Variants in MYLK3 observed in about 807,000 individuals in gnomAD.
MYLK3 encodes myosin light chain kinase 3.
Under a neutral mutation model 76.3 loss-of-function variants are expected in MYLK3, and 55 were observed. That is an observed-to-expected ratio of 0.72 (90% CI 0.58 to 0.90). The LOEUF is 0.90. MYLK3 is among the 40% of genes least tolerant of loss of function. The pLI, the probability that MYLK3 is intolerant of heterozygous loss-of-function variation, is 0.00. For missense variants in MYLK3, 973 were observed against 1,053.6 expected (o/e 0.92, Z 1.06); for synonymous variants, 416 against 425.4 (o/e 0.98, Z 0.27).
chr16:46,727,391 G>T lies in MYLK3; in HGVS notation c.1773-14C>A. 6.3e-7 allele frequency: 1 copy of T among 1,598,126 alleles called. No homozygotes were observed. The highest frequency in any genetic ancestry group is 8.6e-7 in the Non-Finnish European group (1 of 1,167,902). ...CCCCCGTCCACGCTGCCAGAGCAAA[G>T]GGAGAGGCAGGCACCAGCCTAAGCA... On this transcript the variant is annotated splice_polypyrimidine_tract_variant and intron_variant, in intron 7 of 12. Coordinates refer to ENST00000394809, the MANE Select transcript of MYLK3 (RefSeq NM_182493.3).
At chr16:46,740,458 G>T (rs903077905) in intron 1 of MYLK3, among the ~76,000 whole-genome samples, 2 of 150,346 alleles carry the variant, frequency 1.3e-5, no homozygotes, top group Admixed American at 1.3e-4. Flanking sequence ...TTCAAAATAG[G>T]CTGGACCCCA....
intron 4 of MYLK3, 56 bp downstream of exon 4, chr16:46,732,152 G>T (rs752140525): frequency 1.2e-4 from 167 of 1,425,350 alleles, no homozygotes; most frequent in Non-Finnish European, 1.4e-4. Context: ...AGGAGTAGGG[G>T]CTCCAAACTC....
At chr16:46,712,927 G>T in intron 9 of MYLK3, 151 bp from the exon 10 acceptor site, 3 of 703,436 alleles carry the variant, frequency 4.3e-6, no homozygotes, top group Non-Finnish European at 6.0e-6. Flanking sequence ...TGAATTACTG[G>T]GGAATAATCA....
intron 5 of MYLK3, chr16:46,730,084 C>G (rs1312534219): frequency 2.6e-6 from 1 of 382,396 alleles, no homozygotes; most frequent in Non-Finnish European, 4.9e-6. Context: ...TCCTGCACCC[C>G]AGGGAACATC....
chr16:46,756,109 C>T (rs942102827), intron 1 of MYLK3, among the ~76,000 whole-genome samples: 7 of 151,854 alleles, frequency 4.6e-5, no homozygotes, highest in Admixed American at 2.6e-4. Flanking sequence ...GGGCTTTCAC[C>T]GTGTTGCCCA....
chr16:46,758,176 G>A (rs1317607336), intron 1 of MYLK3, among the ~76,000 whole-genome samples: 1 of 151,700 alleles, frequency 6.6e-6, no homozygotes, highest in Non-Finnish European at 1.5e-5. Flanking sequence ...GCCAGGGAGG[G>A]CTCCCTGGCC....
At chr16:46,724,961 T>C (rs1422520032) in intron 8 of MYLK3, among the ~76,000 whole-genome samples, 1 of 152,252 alleles carries the variant, frequency 6.6e-6, no homozygotes, top group Admixed American at 6.5e-5. Flanking sequence ...CTTTGAATTA[T>C]CTTAACATTT....
At chr16:46,716,463 GTATA>G (rs907547283) in intron 9 of MYLK3, among the ~76,000 whole-genome samples, 1 of 149,610 alleles carries the variant, frequency 6.7e-6, no homozygotes. Flanking sequence ...ATATATGTGT[GTATA>G]TATATATGTG....
chr16:46,748,630 C>T (rs984926585), upstream of MYLK3, among the ~76,000 whole-genome samples: 23 of 152,218 alleles, frequency 1.5e-4, no homozygotes, highest in Non-Finnish European at 2.2e-4. This position sits in a 1 kb window ranked among gnomAD's most constrained non-coding sequence, Gnocchi z 4.3. Context: ...GATCCCAGGG[C>T]GGAGGAAGGT....
chr16:46,753,061 G>C (rs1211587833), upstream of MYLK3, among the ~76,000 whole-genome samples: 1 of 152,158 alleles, frequency 6.6e-6, no homozygotes, highest in African/African-American at 2.4e-5. Context: ...TGAATTTCTA[G>C]GAGATAGAAA....
chr16:46,738,773 T>C (rs1966886836), intron 2 of MYLK3, among the ~76,000 whole-genome samples: 1 of 152,236 alleles, frequency 6.6e-6, no homozygotes, highest in African/African-American at 2.4e-5. Flanking sequence ...GTTTTTTAAA[T>C]GGTTACTTAC....
intron 7 of MYLK3, 58 bp downstream of exon 7, chr16:46,728,966 A>G: frequency 7.8e-7 from 1 of 1,281,480 alleles, no homozygotes; most frequent in Admixed American, 1.7e-5. Context: ...GAAGGCTCTA[A>G]GCCCCAGCAC....
chr16:46,727,051 C>T, intron 8 of MYLK3, 185 bp downstream of exon 8: 1 of 482,448 alleles, frequency 2.1e-6, no homozygotes, highest in East Asian at 3.1e-5. Flanking sequence ...GTACCATTAT[C>T]CAGATGGAAG....
Position 46,703,380 on chromosome 16 carries a change from A to G in MYLK3, c.*4324T>C, listed in dbSNP as rs924386230. On this transcript the variant is annotated 3_prime_UTR_variant, in exon 13 of 13. Transcript: ENST00000394809. ...GAAATAAAATTTCTGGATGAAAGAA[A>G]GCATGGGAATGACTTTTATTTGGAT... 6.6e-6 allele frequency: 1 copy of G among 152,266 alleles called. No homozygotes were observed. The highest frequency in any genetic ancestry group is 2.4e-5 in the African/African-American group (1 of 41,480). The allele number at this position is 152,266 out of a possible 1,614,324, so 9.4% of individuals were successfully genotyped here.
chr16:46,728,184 A>C (rs1966846103), intron 7 of MYLK3, among the ~76,000 whole-genome samples: 1 of 152,176 alleles, frequency 6.6e-6, no homozygotes, highest in Non-Finnish European at 1.5e-5. Flanking sequence ...ACAAGCACAA[A>C]TATGAACGGC....
At chr16:46,720,633 T>C (rs1317617902) in intron 9 of MYLK3, among the ~76,000 whole-genome samples, 1 of 152,150 alleles carries the variant, frequency 6.6e-6, no homozygotes, top group Non-Finnish European at 1.5e-5. Context: ...TATATCACCA[T>C]TTCACCAAGA....
At chr16:46,720,774 C>T (rs1391979290) in intron 9 of MYLK3, among the ~76,000 whole-genome samples, 1 of 152,148 alleles carries the variant, frequency 6.6e-6, no homozygotes, top group African/African-American at 2.4e-5. Flanking sequence ...CATCACATAG[C>T]CCAGCACCTC....
In MYLK3 at chr16:46,732,518, G is replaced by A. The variant is rs768363556; in HGVS notation, c.1152C>T (p.Ala384=). 5 of 1,605,410 alleles carry A rather than the reference G, an allele frequency of 3.1e-6. No homozygotes were observed. The highest frequency in any genetic ancestry group is 3.3e-5 in the Admixed American group (2 of 60,006). Reference sequence around the variant, plus strand: ...TCTGTTCTCCGGGCTCAGTCCCAGGGGCTTGGAGGCAGCGCCCGGTCCCAG... The same window carrying A: ...TCTGTTCTCCGGGCTCAGTCCCAGGAGCTTGGAGGCAGCGCCCGGTCCCAG... ...GPPGTGRCLQ[A]PGTEPGEQTP... is the part of the protein sequence containing the mutation. The change falls in exon 4 of 13, where the codon GCC becomes GCT. Residue 384 remains alanine, a synonymous_variant. Transcript: ENST00000394809.
At chr16:46,714,808 C>T (rs1454029014) in intron 9 of MYLK3, among the ~76,000 whole-genome samples, 1 of 152,202 alleles carries the variant, frequency 6.6e-6, no homozygotes, top group African/African-American at 2.4e-5. Flanking sequence ...AGCAGACCCA[C>T]CCTCACTGAC....
Sources: allele counts gnomAD v4.1 joint callset (sites outside exome capture counted in the v4.1 genomes callset), GRCh38; gene constraint gnomAD v4.1.1; non-coding constraint Gnocchi (gnomAD v3.1); transcripts MANE v1.5; gene names NCBI Gene and HGNC (gene_info 2026-07-23, HGNC 2026-07-21).